The following AKAP13 variants were observed in gnomAD, a reference collection of about 807,000 sequenced individuals.
AKAP13 encodes A-kinase anchor protein 13.
Under a neutral mutation model 264.5 loss-of-function variants are expected in AKAP13, and 80 were observed. The observed-to-expected ratio is 0.30, with a 90% confidence interval of 0.25 to 0.36. The LOEUF is 0.36. AKAP13 is among the 10% of genes least tolerant of loss of function. AKAP13 has a pLI of 1.00. For synonymous variants in AKAP13, 1,380 were observed against 1,250.2 expected (o/e 1.10, Z -2.19); for missense variants, 3,712 against 3,435.2 (o/e 1.08, Z -2.01).
At chr15:85,740,723 A>AAC (rs144018637) in intron 34 of AKAP13, among the ~76,000 whole-genome samples, 26,353 of 138,170 alleles carry the variant, frequency 0.19, 3,482 homozygotes, top group Middle Eastern at 0.42. Context: ...TCCCACTTCC[A>AAC]ACACACACAC....
chr15:85,583,229 C>A, intron 7 of AKAP13: 3 of 935,818 alleles, frequency 3.2e-6, no homozygotes, highest in Non-Finnish European at 3.8e-6. Flanking sequence ...TTTGAAAATC[C>A]CTTTACACAT....
chr15:85,532,303 GT>G (rs2077266984), intron 3 of AKAP13, among the ~76,000 whole-genome samples: 1 of 152,228 alleles, frequency 6.6e-6, no homozygotes, highest in Admixed American at 6.5e-5. Flanking sequence ...AAGAAACATT[GT>G]CTCTTTCAAA....
intron 1 of AKAP13, among the ~76,000 whole-genome samples, chr15:85,432,905 C>T: frequency 6.6e-6 from 1 of 151,796 alleles, no homozygotes; most frequent in East Asian, 1.9e-4. Flanking sequence ...TTCTCTGCCA[C>T]CTCCCAGGTA....
intron 1 of AKAP13, among the ~76,000 whole-genome samples, chr15:85,475,955 G>A (rs1057169394): frequency 4.6e-5 from 7 of 152,174 alleles, no homozygotes; most frequent in Non-Finnish European, 8.8e-5. Context: ...GGGTGCTACA[G>A]GAGACATCTG....
At chr15:85,509,944 A>G (rs2076365036) in intron 2 of AKAP13, among the ~76,000 whole-genome samples, 1 of 152,138 alleles carries the variant, frequency 6.6e-6, no homozygotes, top group Admixed American at 6.5e-5. Flanking sequence ...TTTCAAACAT[A>G]ATTTGAAATC....
chr15:85,684,710 A>T lies in AKAP13; in HGVS notation c.5157-31A>T, dbSNP rs747143436. The T allele has an allele frequency of 2.6e-5, 41 of 1,588,234 alleles. No homozygotes were observed. In the South Asian group the frequency reaches 3.1e-4, roughly 12 times the overall value. On this transcript the variant is annotated intron_variant, in intron 15 of 36. Coordinates refer to ENST00000394518, the MANE Select transcript of AKAP13 (RefSeq NM_007200.5). Reference sequence around the variant, plus strand: ...TTTTATTTAACTTCTGTAGCCCTTTAAAAAAAATCAATCTTCTTGTTTTTA... The same window carrying T: ...TTTTATTTAACTTCTGTAGCCCTTTTAAAAAAATCAATCTTCTTGTTTTTA...
In AKAP13 at chr15:85,579,287, T is replaced by G; in HGVS notation, c.1219T>G (p.Cys407Gly). 6.2e-7 allele frequency: 1 copy of G among 1,614,196 alleles called. No individual in the cohort carries two copies. Among genetic ancestry groups the G allele is most frequent in the Non-Finnish European group, 8.5e-7 (1 of 1,180,034 alleles). The part of the protein sequence containing the change: ...QDSCLQSLPD[C>G]GVKGTEGLSS... ...CAGCTGCCTTCAGAGCTTGCCTGATTGTGGAGTAAAGGGCACGGAAGGCCT... is the reference window on the plus strand; with the variant it reads ...CAGCTGCCTTCAGAGCTTGCCTGATGGTGGAGTAAAGGGCACGGAAGGCCT... The change falls in exon 7 of 37, where the codon TGT (cysteine) becomes GGT (glycine). Residue 407 changes from cysteine to glycine, a missense_variant. By Grantham distance (159) the Cys-to-Gly change is radical (BLOSUM62 -3). Transcript: ENST00000394518.
chr15:85,587,757 T>A (rs1414905679), intron 8 of AKAP13, among the ~76,000 whole-genome samples: 1 of 152,140 alleles, frequency 6.6e-6, no homozygotes, highest in Non-Finnish European at 1.5e-5. Flanking sequence ...AGCGATTCTC[T>A]TGTCTCAGCC....
intron 2 of AKAP13, among the ~76,000 whole-genome samples, chr15:85,518,153 C>T (rs1223652366): frequency 1.3e-5 from 2 of 152,106 alleles, no homozygotes; most frequent in Admixed American, 6.5e-5. Context: ...TTTATTAATA[C>T]CAGGGTATTC....
At chr15:85,585,617 A>T in intron 7 of AKAP13, 85 bp from the exon 8 acceptor site, 9 of 1,574,016 alleles carry the variant, frequency 5.7e-6, no homozygotes, top group Non-Finnish European at 7.8e-6. Context: ...AACAAAACAC[A>T]TGAAACCTGG....
chr15:85,569,569 T>G (rs912954882), intron 5 of AKAP13, among the ~76,000 whole-genome samples: 20 of 151,250 alleles, frequency 1.3e-4, no homozygotes, highest in African/African-American at 4.6e-4. Context: ...TCTCCTGCCT[T>G]AGCCTCCCGA....
chr15:85,498,688 A>G (rs1260106427), intron 2 of AKAP13, among the ~76,000 whole-genome samples: 2 of 152,136 alleles, frequency 1.3e-5, no homozygotes, highest in African/African-American at 4.8e-5. Flanking sequence ...CATACATCCT[A>G]TAAAACTTGC....
At chr15:85,741,738 A>T (rs938582624) in intron 35 of AKAP13, among the ~76,000 whole-genome samples, 1 of 150,994 alleles carries the variant, frequency 6.6e-6, no homozygotes, top group East Asian at 1.9e-4. Flanking sequence ...ACAAAAAAAA[A>T]AAACAGTTTT....
intron 1 of AKAP13, among the ~76,000 whole-genome samples, chr15:85,419,139 C>A (rs1268039043): frequency 2.0e-5 from 3 of 152,212 alleles, no homozygotes; most frequent in Non-Finnish European, 4.4e-5. Flanking sequence ...ACAGTGGACA[C>A]TGTTTGCTTT....
intron 1 of AKAP13, among the ~76,000 whole-genome samples, chr15:85,437,095 AGAG>A (rs1366537659): frequency 6.8e-6 from 1 of 148,028 alleles, no homozygotes; most frequent in Non-Finnish European, 1.5e-5. Flanking sequence ...AGAAAAAAAG[AGAG>A]AAGAATCAAA....
At chr15:85,481,118 C>G (rs2087307787) in intron 1 of AKAP13, 1 of 152,034 alleles carries the variant, frequency 6.6e-6, no homozygotes, top group African/African-American at 2.4e-5. Flanking sequence ...CTTTCTGTTC[C>G]TTTTCCCAAA....
At chr15:85,677,883 C>T (rs1426430778) in intron 14 of AKAP13, among the ~76,000 whole-genome samples, 6 of 152,118 alleles carry the variant, frequency 3.9e-5, no homozygotes, top group Admixed American at 2.0e-4. Context: ...CTCTTGACCT[C>T]ATGATCCGCC....
intron 5 of AKAP13, among the ~76,000 whole-genome samples, chr15:85,545,030 C>T (rs2077691234): frequency 1.3e-5 from 2 of 152,218 alleles, no homozygotes; most frequent in African/African-American, 4.8e-5. Flanking sequence ...TACCTTTCCC[C>T]ATCACGCTAG....
chr15:85,504,694 CAAAAAAAA>C (rs60149423), intron 2 of AKAP13, among the ~76,000 whole-genome samples: 34,942 of 106,360 alleles, frequency 0.33, 5,556 homozygotes, highest in Middle Eastern at 0.49. Context: ...ACCCTGTCTC[CAAAAAAAA>C]AAAAAAAAAA....
Sources: gnomAD v4.1 joint callset for allele counts (sites outside exome capture counted in the v4.1 genomes callset) on GRCh38, gnomAD v4.1.1 for gene constraint, MANE v1.5 for transcripts, NCBI Gene and HGNC (gene_info 2026-07-23, HGNC 2026-07-21) for gene names.